CDH23: variants seen among roughly 807,000 people sequenced by gnomAD.
The protein encoded by CDH23 is cadherin-23.
Under a neutral mutation model 317.1 loss-of-function variants are expected in CDH23, and 189 were observed. That is an observed-to-expected ratio of 0.60 (90% CI 0.53 to 0.67). CDH23 has a LOEUF of 0.67. Among genes scored for constraint, CDH23 ranks in the 30% least tolerant of loss-of-function variants. The probability of loss-of-function intolerance (pLI) is 0.00; values close to 1 mark genes in which losing one functional copy is unlikely to be tolerated. For missense variants in CDH23, 4,401 were observed against 4,592.4 expected (o/e 0.96, Z 1.20); for synonymous variants, 1,839 against 1,876.8 (o/e 0.98, Z 0.52).
rs1839421948 is a variant in CDH23, at chr10:71,732,385, T to TTA, written c.4104+10_4104+11insTA. On this transcript the variant is annotated intron_variant, in intron 32 of 69. Transcript: ENST00000224721. ...GATAGACGCCATCACGGTGAGGGGC[T>TTA]GGGGGCAGGGAGCACCATTTCTTCC... The TTA allele has an allele frequency of 2.6e-6, 4 of 1,555,234 alleles. No homozygotes were observed. Among genetic ancestry groups the TTA allele is most frequent in the Non-Finnish European group, 3.5e-6 (4 of 1,148,922 alleles).
chr10:71,608,166 G>T (rs1039493944), intron 9 of CDH23, among the ~76,000 whole-genome samples: 9 of 152,224 alleles, frequency 5.9e-5, no homozygotes, highest in African/African-American at 1.7e-4. Context: ...TTCACATCCT[G>T]CGAGTTCATG....
chr10:71,811,674 C>T, intron 64 of CDH23, 39 bp from the exon 65 acceptor site: 1 of 1,613,450 alleles, frequency 6.2e-7, no homozygotes, highest in South Asian at 1.1e-5. Flanking sequence ...GAGACGTCAG[C>T]TTGGCCCCCC....
intron 1 of CDH23, among the ~76,000 whole-genome samples, chr10:71,436,972 T>C (rs1849651167): frequency 6.6e-6 from 1 of 152,218 alleles, no homozygotes; most frequent in African/African-American, 2.4e-5. Context: ...CAGGATATGA[T>C]AGGGTAATGC....
At chr10:71,555,305 G>T (rs549148314) in intron 6 of CDH23, among the ~76,000 whole-genome samples, 1 of 152,140 alleles carries the variant, frequency 6.6e-6, no homozygotes, top group Non-Finnish European at 1.5e-5. Context: ...TGGGTATCAG[G>T]GCTGCACCGT....
At chr10:71,731,104 C>T (rs1407710078) in intron 31 of CDH23, among the ~76,000 whole-genome samples, 1 of 152,202 alleles carries the variant, frequency 6.6e-6, no homozygotes, top group Non-Finnish European at 1.5e-5. Context: ...TGCTGAGGGC[C>T]CAAGCCCCAG....
chr10:71,473,718 A>C (rs1204049489), intron 3 of CDH23, among the ~76,000 whole-genome samples: 1 of 152,254 alleles, frequency 6.6e-6, no homozygotes, highest in Non-Finnish European at 1.5e-5. Context: ...GAAGAACCCA[A>C]CAATATTATG....
intron 6 of CDH23, among the ~76,000 whole-genome samples, chr10:71,565,128 G>A (rs1857327799): frequency 6.6e-6 from 1 of 152,044 alleles, no homozygotes; most frequent in African/African-American, 2.4e-5. Context: ...TGGCACTTCT[G>A]TGTGATCTAG....
In CDH23 at chr10:71,815,375, A is replaced by G; in HGVS notation, c.*97A>G. 1 of 1,209,326 alleles carries G rather than the reference A, an allele frequency of 8.3e-7. No homozygotes were observed. Among genetic ancestry groups the G allele is most frequent in the East Asian group, 2.6e-5 (1 of 38,574 alleles). The allele number at this position is 1,209,326 out of a possible 1,614,324, so 74.9% of individuals were successfully genotyped here. Reference sequence around the variant, plus strand: ...CAGGGCCGGTCGGGGGGGACCCTCCAAGGCCAGGCCTTGGGGACAACCTTG... The same window carrying G: ...CAGGGCCGGTCGGGGGGGACCCTCCGAGGCCAGGCCTTGGGGACAACCTTG... On this transcript the variant is annotated 3_prime_UTR_variant, in exon 70 of 70. Transcript: ENST00000224721.
In CDH23 at chr10:71,759,876, C is replaced by CACACACATATATAT. The variant is rs1840265488; in HGVS notation, c.4846-17797_4846-17796insTATATATACACACA. ...ACACACACACACACATATATATACA[C>CACACACATATATAT]ACACACACATATACACACACACATA... is the stretch of plus-strand genomic sequence containing the variant. On this transcript the variant is annotated intron_variant, in intron 38 of 69. Coordinates refer to ENST00000224721, the MANE Select transcript of CDH23 (RefSeq NM_022124.6). Among the ~76,000 whole-genome samples the CACACACATATATAT allele has an allele frequency of 2.6e-5, 2 of 76,854 alleles. 1 individual carries two copies. The highest frequency in any genetic ancestry group is 6.7e-5 in the Non-Finnish European group (2 of 30,056). 50.4% of individuals were successfully genotyped at this position (76,854 alleles called of 152,430 possible). A position where few individuals can be genotyped will look rare whatever the true frequency, so the allele number is the denominator to read the frequency against.
At position 71,751,422 on chromosome 10, in the gene CDH23, G is replaced by T; in HGVS notation, c.4845+9501G>T. The T allele has an allele frequency of 2.4e-6, 1 of 419,130 alleles. No homozygotes were observed. The highest frequency in any genetic ancestry group is 4.8e-5 in the Admixed American group (1 of 20,678). 26.0% of individuals were successfully genotyped at this position (419,130 alleles called of 1,614,324 possible). A position where few individuals can be genotyped will look rare whatever the true frequency, so the allele number is the denominator to read the frequency against. ...TGTCCCTCACCCTCAACCCCACCCC[G>T]TGAGGCCGTGGAACTCTTCAGGGAG... On this transcript the variant is annotated intron_variant, in intron 38 of 69. Coordinates refer to ENST00000224721, the MANE Select transcript of CDH23 (RefSeq NM_022124.6). This position sits in a 1 kb window ranked among gnomAD's most constrained non-coding sequence, Gnocchi z 4.9.
chr10:71,534,680 G>A (rs549160389), intron 6 of CDH23, among the ~76,000 whole-genome samples: 8 of 152,126 alleles, frequency 5.3e-5, no homozygotes, highest in Non-Finnish European at 1.2e-4. Context: ...TGAAATGTTC[G>A]ACCCCGTGAC....
At chr10:71,498,800 T>A (rs984910036) in intron 3 of CDH23, among the ~76,000 whole-genome samples, 1 of 152,208 alleles carries the variant, frequency 6.6e-6, no homozygotes, top group Admixed American at 6.5e-5. Flanking sequence ...TTATTTGCTA[T>A]GTCAGAGGCA....
chr10:71,569,079 G>A (rs891843531), intron 7 of CDH23, among the ~76,000 whole-genome samples: 1 of 152,196 alleles, frequency 6.6e-6, no homozygotes, highest in East Asian at 1.9e-4. Flanking sequence ...TGGTCATTCA[G>A]GTCCCTAGCT....
intron 22 of CDH23, among the ~76,000 whole-genome samples, chr10:71,698,444 A>G (rs894319059): frequency 2.0e-5 from 3 of 152,232 alleles, no homozygotes; most frequent in African/African-American, 7.2e-5. Flanking sequence ...GTTTCAGGTG[A>G]CAGAAGGAGG....
At chr10:71,805,390 C>T (rs182897282) in intron 55 of CDH23, among the ~76,000 whole-genome samples, 4 of 152,302 alleles carry the variant, frequency 2.6e-5, no homozygotes, top group Middle Eastern at 3.4e-3. Flanking sequence ...ACCCAGAATT[C>T]CTGTGTTTGG....
At chr10:71,641,144 G>A (rs1210858116) in intron 11 of CDH23, among the ~76,000 whole-genome samples, 1 of 152,100 alleles carries the variant, frequency 6.6e-6, no homozygotes, top group Non-Finnish European at 1.5e-5. Context: ...GACTCCTATA[G>A]GTGCCTCCAA....
intron 1 of CDH23, among the ~76,000 whole-genome samples, chr10:71,421,481 C>T (rs919224081): frequency 2.6e-5 from 4 of 152,194 alleles, no homozygotes; most frequent in African/African-American, 4.8e-5. Context: ...TACAATATTT[C>T]GGAGAGCGTC....
chr10:71,786,894 T>C (rs1443323932), intron 44 of CDH23, among the ~76,000 whole-genome samples: 3 of 152,090 alleles, frequency 2.0e-5, no homozygotes, highest in East Asian at 1.9e-4. Context: ...AAAAGCAGCA[T>C]TGAGTGGCAG....
intron 11 of CDH23, among the ~76,000 whole-genome samples, chr10:71,634,252 G>T (rs1862153587): frequency 6.6e-6 from 1 of 152,354 alleles, no homozygotes; most frequent in East Asian, 1.9e-4. Flanking sequence ...ATTCTCCCCA[G>T]AAGGGGCCCC....
Sources: gnomAD v4.1 joint callset for allele counts (sites outside exome capture counted in the v4.1 genomes callset) on GRCh38, gnomAD v4.1.1 for gene constraint, Gnocchi (gnomAD v3.1) non-coding constraint, MANE v1.5 for transcripts, NCBI Gene and HGNC (gene_info 2026-07-23, HGNC 2026-07-21) for gene names.